SMAD9: variants seen among roughly 807,000 people sequenced by gnomAD.
SMAD9 encodes the protein SMAD family member 9.
In SMAD9, 36 loss-of-function variants were observed where a neutral mutation model predicts 46.1. The observed-to-expected ratio is 0.78, with a 90% CI of 0.60 to 1.03. The LOEUF is 1.03. Among genes scored for constraint, SMAD9 ranks in the 50% least tolerant of loss-of-function variants. The pLI is 0.00. For synonymous variants in SMAD9, 245 were observed against 237.1 expected, an observed-to-expected ratio of 1.03 and a Z score of -0.31; for missense variants, 572 against 599.8, an observed-to-expected ratio of 0.95 and a Z score of 0.48.
intron 1 of SMAD9, among the ~76,000 whole-genome samples, chr13:36,886,766 A>T (rs1412586305): frequency 6.6e-6 from 1 of 152,194 alleles, no homozygotes; most frequent in Non-Finnish European, 1.5e-5. Flanking sequence ...CCCCTTGAGG[A>T]GGTGACAATG....
At position 36,853,435 on chromosome 13, in the gene SMAD9, C is replaced by G; in HGVS notation, c.1244G>C (p.Arg415Pro). 1 of 1,614,018 alleles carries G rather than the reference C, an allele frequency of 6.2e-7. No homozygotes were observed. The highest frequency in any genetic ancestry group is 8.5e-7 in the Non-Finnish European group (1 of 1,180,034). Reference protein sequence around the residue: ...VYELTKMCTIRMSFVKGWGAE... With the variant: ...VYELTKMCTIPMSFVKGWGAE... ...ACTCCTTACCTTAACAAAACTCATC[C>G]GGATAGTACACATCTTGGTCAGTTC... The change falls in exon 6 of 7, where the codon CGG becomes CCG. Residue 415 changes from arginine (R) to proline (P), a missense_variant. Transcript: ENST00000379826.
At chr13:36,904,755 T>C (rs893177585) in intron 1 of SMAD9, among the ~76,000 whole-genome samples, 6 of 152,236 alleles carry the variant, frequency 3.9e-5, no homozygotes, top group African/African-American at 1.4e-4. Context: ...TGTCTCTTTA[T>C]TGAACAACAA....
At chr13:36,907,607 T>G (rs1489413587) in intron 1 of SMAD9, among the ~76,000 whole-genome samples, 1 of 152,142 alleles carries the variant, frequency 6.6e-6, no homozygotes, top group Non-Finnish European at 1.5e-5. Context: ...CACAGGAGTC[T>G]GAGGATGCAA....
chr13:36,865,788 G>A (rs1470971802), intron 4 of SMAD9, 30 bp from the exon 5 acceptor site: 2 of 1,550,132 alleles, frequency 1.3e-6, no homozygotes, highest in Non-Finnish European at 1.8e-6. Context: ...AGAACACATG[G>A]CTACTGTCAT....
chr13:36,861,288 G>A (rs2058179293), intron 5 of SMAD9, among the ~76,000 whole-genome samples: 1 of 152,098 alleles, frequency 6.6e-6, no homozygotes, highest in South Asian at 2.1e-4. Context: ...ACTGGGTAGG[G>A]GAATGGCTCA....
In SMAD9 at chr13:36,879,330, C is replaced by G; in HGVS notation, c.360G>C (p.Lys120Asn). Reference protein sequence around the residue: ...LECCEFPFGSKQKEVCINPYH... With the variant: ...LECCEFPFGSNQKEVCINPYH... Reference sequence around the variant, plus strand: ...AAGGGTTAATGCACACTTCTTTCTGCTTGGAGCCAAATGGGAACTCACAGC... The same window carrying G: ...AAGGGTTAATGCACACTTCTTTCTGGTTGGAGCCAAATGGGAACTCACAGC... The change falls in exon 2 of 7, where the codon AAG (lysine) becomes AAC (asparagine). Residue 120 changes from lysine to asparagine, a missense_variant. By Grantham distance (94) the Lys-to-Asn change is moderately conservative. Transcript: ENST00000379826. 1 of 1,614,174 alleles carries G rather than the reference C, an allele frequency of 6.2e-7. No individual in the cohort carries two copies. Among genetic ancestry groups the G allele is most frequent in the South Asian group, 1.1e-5 (1 of 91,082 alleles).
Position 36,879,739 on chromosome 13 carries a change from C to G in SMAD9, c.-50G>C. 1 of 1,607,292 alleles carries G rather than the reference C, an allele frequency of 6.2e-7. No homozygotes were observed. Among genetic ancestry groups the G allele is most frequent in the South Asian group, 1.1e-5 (1 of 90,858 alleles). ...CGCACGGGAACCGCACAGCCCTTCACGGCAAAGTGGGCGGCGAGTAGCTCT... is the reference window on the plus strand; with the variant it reads ...CGCACGGGAACCGCACAGCCCTTCAGGGCAAAGTGGGCGGCGAGTAGCTCT... On this transcript the variant is annotated 5_prime_UTR_variant, in exon 2 of 7. Coordinates refer to ENST00000379826, the MANE Select transcript of SMAD9 (RefSeq NM_001127217.3).
intron 1 of SMAD9, among the ~76,000 whole-genome samples, chr13:36,916,082 TTTACA>T (rs1177486657): frequency 2.0e-5 from 3 of 152,336 alleles, no homozygotes; most frequent in Admixed American, 2.0e-4. Context: ...AACAAGACCC[TTTACA>T]CATCCAACGT....
intron 1 of SMAD9, among the ~76,000 whole-genome samples, chr13:36,908,880 A>G (rs149746014): frequency 6.6e-6 from 1 of 152,322 alleles, no homozygotes; most frequent in African/African-American, 2.4e-5. Flanking sequence ...GAAGGCCATG[A>G]CTACAAGGGA....
chr13:36,908,379 C>T (rs1284325349), intron 1 of SMAD9, among the ~76,000 whole-genome samples: 1 of 152,184 alleles, frequency 6.6e-6, no homozygotes, highest in Non-Finnish European at 1.5e-5. Context: ...CAACTGTGAG[C>T]ATTCTGAAAG....
At chr13:36,859,734 G>A (rs186352872) in intron 5 of SMAD9, among the ~76,000 whole-genome samples, 31 of 152,308 alleles carry the variant, frequency 2.0e-4, no homozygotes, top group African/African-American at 7.5e-4. Context: ...GCCGAGGCGG[G>A]TGGATTGCCG....
intron 3 of SMAD9, among the ~76,000 whole-genome samples, chr13:36,870,282 C>T (rs760812708): frequency 6.6e-6 from 1 of 152,112 alleles, no homozygotes; most frequent in Non-Finnish European, 1.5e-5. Context: ...TATTTTGCAA[C>T]ACTATTATCC....
intron 2 of SMAD9, among the ~76,000 whole-genome samples, chr13:36,877,094 T>C (rs1300486730): frequency 1.3e-5 from 2 of 152,310 alleles, no homozygotes; most frequent in East Asian, 1.9e-4. Context: ...CCAGGTATGG[T>C]GGCTCATGCC....
intron 1 of SMAD9, among the ~76,000 whole-genome samples, chr13:36,899,968 G>C (rs1188380613): frequency 1.3e-5 from 2 of 152,080 alleles, no homozygotes; most frequent in Non-Finnish European, 2.9e-5. Flanking sequence ...CTAAGTAAAA[G>C]CCAGAAGCCT....
At chr13:36,870,610 C>T (rs1252965577) in intron 3 of SMAD9, among the ~76,000 whole-genome samples, 1 of 152,192 alleles carries the variant, frequency 6.6e-6, no homozygotes, top group East Asian at 1.9e-4. Flanking sequence ...AGGTCAGAGA[C>T]CACAGTAGTC....
intron 1 of SMAD9, among the ~76,000 whole-genome samples, chr13:36,886,404 G>A (rs980357754): frequency 6.6e-5 from 10 of 152,258 alleles, no homozygotes; most frequent in Non-Finnish European, 1.5e-4. Context: ...GCGGATATGT[G>A]AGAGAGAAGC....
Position 36,859,744 on chromosome 13 carries a change from G to A in SMAD9, c.1003+5793C>T, listed in dbSNP as rs632618. On this transcript the variant is annotated intron_variant, in intron 5 of 6. Transcript: ENST00000379826. ...GGGAAGCCGAGGCGGGTGGATTGCC[G>A]GAGGTCGGGAGTTTGAGACCAGCCT... Among the ~76,000 whole-genome samples the A allele has an allele frequency of 5.3e-5, 8 of 151,984 alleles. No homozygotes were observed. The South Asian group carries it at 6.2e-4, about 12-fold the overall frequency.
chr13:36,865,818 T>C, intron 4 of SMAD9, 60 bp from the exon 5 acceptor site: 1 of 1,396,724 alleles, frequency 7.2e-7, no homozygotes, highest in South Asian at 1.2e-5. Context: ...GTGTAGTTCA[T>C]GATTCCACCA....
intron 1 of SMAD9, among the ~76,000 whole-genome samples, chr13:36,909,419 C>T (rs1422169511): frequency 6.6e-6 from 1 of 152,222 alleles, no homozygotes; most frequent in Non-Finnish European, 1.5e-5. Context: ...AAGGCCAGCA[C>T]TACCTTGTAG....
Sources: gnomAD v4.1 joint callset for allele counts (sites outside exome capture counted in the v4.1 genomes callset) on GRCh38, gnomAD v4.1.1 for gene constraint, MANE v1.5 for transcripts, NCBI Gene and HGNC (gene_info 2026-07-23, HGNC 2026-07-21) for gene names.